The following ERMARD variants were observed in gnomAD, a reference collection of about 807,000 sequenced individuals.
ERMARD encodes the protein endoplasmic reticulum membrane-associated RNA degradation protein.
In ERMARD, 71 loss-of-function variants were observed where a neutral mutation model predicts 83.9. That is an observed-to-expected ratio of 0.85 (90% CI 0.70 to 1.03). The LOEUF is 1.03. Among genes scored for constraint, ERMARD ranks in the 50% least tolerant of loss-of-function variants. The pLI is 0.00. For missense variants in ERMARD, 838 were observed against 810.9 expected, an observed-to-expected ratio of 1.03 and a Z score of -0.41; for synonymous variants, 284 against 298.6, an observed-to-expected ratio of 0.95 and a Z score of 0.50.
intron 15 of ERMARD, 145 bp from the exon 16 acceptor site, chr6:169,776,310 C>T (rs756132195): frequency 1.8e-4 from 280 of 1,551,978 alleles, no homozygotes; most frequent in Non-Finnish European, 1.3e-4. Context: ...TAACACTTGC[C>T]GCGTGTCACG....
At position 169,760,766 on chromosome 6, in the gene ERMARD, G is replaced by A. The variant is rs753334584; in HGVS notation, c.857+10G>A. The A allele has an allele frequency of 3.1e-6, 5 of 1,589,174 alleles. No individual in the cohort carries two copies. Among genetic ancestry groups the A allele is most frequent in the Middle Eastern group, 1.7e-4 (1 of 6,028 alleles). On this transcript the variant is annotated intron_variant, in intron 8 of 17. Coordinates refer to ENST00000366773, the MANE Select transcript of ERMARD (RefSeq NM_018341.3). ...AGTTCAAGTCACACAGGTAACTAAA[G>A]GGTACATGGCAGAGTGGTTTGCAGT... is the stretch of plus-strand genomic sequence containing the variant.
chr6:169,776,308 G>A (rs913852873), intron 15 of ERMARD, 147 bp from the exon 16 acceptor site: 2 of 1,552,052 alleles, frequency 1.3e-6, no homozygotes, highest in Non-Finnish European at 8.7e-7. Flanking sequence ...GTTAACACTT[G>A]CCGCGTGTCA....
At position 169,781,519 on chromosome 6, in the gene ERMARD, TG is replaced by T. The variant is rs765774914; in HGVS notation, c.*7del. 6.3e-7 allele frequency: 1 copy of T among 1,580,660 alleles called. No homozygotes were observed. Among genetic ancestry groups the T allele is most frequent in the East Asian group, 2.3e-5 (1 of 44,338 alleles). ...CAAGTAAAGTACTCTTATGAAAACT[TG>T]TAAGTCAGGATGCTTTTAATTTTAA... On this transcript the variant is annotated 3_prime_UTR_variant, in exon 18 of 18. Transcript: ENST00000366773.
chr6:169,772,702 A>G (rs966550052), intron 12 of ERMARD, among the ~76,000 whole-genome samples: 4 of 150,100 alleles, frequency 2.7e-5, no homozygotes, highest in Non-Finnish European at 5.9e-5. Context: ...CCTGGGAGGC[A>G]GAGGTTGCAG....
In ERMARD at chr6:169,756,722, T is replaced by A; in HGVS notation, c.421T>A (p.Phe141Ile). The A allele has an allele frequency of 1.9e-6, 3 of 1,613,752 alleles. No individual in the cohort carries two copies. The highest frequency in any genetic ancestry group is 1.7e-6 in the Non-Finnish European group (2 of 1,179,862). The change falls in exon 5 of 18, where the codon TTT (phenylalanine) becomes ATT (isoleucine). Residue 141 changes from phenylalanine to isoleucine, a missense_variant. Phe to Ile is a conservative substitution (Grantham distance 21). Coordinates refer to ENST00000366773, the MANE Select transcript of ERMARD (RefSeq NM_018341.3). Reference sequence around the variant, plus strand: ...ACAATTTTTGTTTGAATTTTAGGTATTTTTACTGATTGGGAAGGAATGCCC... The same window carrying A: ...ACAATTTTTGTTTGAATTTTAGGTAATTTTACTGATTGGGAAGGAATGCCC... ...SCLERALGDV[F>I]LLIGKECPFL...
At chr6:169,774,112 G>C (rs1793299581) in intron 13 of ERMARD, among the ~76,000 whole-genome samples, 1 of 152,178 alleles carries the variant, frequency 6.6e-6, no homozygotes, top group African/African-American at 2.4e-5. Flanking sequence ...GAGGCGGGCG[G>C]ATCACAACGT....
At chr6:169,779,759 A>T (rs1356478298) in intron 17 of ERMARD, among the ~76,000 whole-genome samples, 1 of 152,224 alleles carries the variant, frequency 6.6e-6, no homozygotes, top group East Asian at 1.9e-4. Context: ...TGTAAAAGCC[A>T]CTGTGCCTGG....
At chr6:169,764,917 C>T (rs954638002) in intron 9 of ERMARD, among the ~76,000 whole-genome samples, 7 of 152,242 alleles carry the variant, frequency 4.6e-5, no homozygotes, top group African/African-American at 1.7e-4. Flanking sequence ...TGTTCTGTTT[C>T]TGTCTCATCT....
At chr6:169,760,865 C>G (rs555311983) in intron 8 of ERMARD, 109 bp downstream of exon 8, 168 of 708,442 alleles carry the variant, frequency 2.4e-4, no homozygotes, top group Non-Finnish European at 3.6e-4. Context: ...TGAAGAGAAC[C>G]TGGACTGACT....
intron 12 of ERMARD, chr6:169,770,888 A>G (rs981436532): frequency 1.3e-5 from 2 of 150,492 alleles, no homozygotes; most frequent in African/African-American, 2.4e-5. Flanking sequence ...TTTCAGTTTT[A>G]TTTTTCCCAT....
chr6:169,779,271 C>T lies in ERMARD; in HGVS notation c.1829C>T (p.Ala610Val), dbSNP rs201637565. The T allele has an allele frequency of 7.1e-5, 115 of 1,614,090 alleles. No homozygotes were observed. In the Middle Eastern group the frequency reaches 1.8e-3, roughly 25 times the overall value. Reference sequence around the variant, plus strand: ...ATTCATGCTGTTTGTGGGAAGAATGCGCATGAGTATCAGCAGTACCTAAAG... The same window carrying T: ...ATTCATGCTGTTTGTGGGAAGAATGTGCATGAGTATCAGCAGTACCTAAAG... ...VNIHAVCGKN[A>V]HEYQQYLKFV... Residue 610 changes from alanine to valine, a missense_variant, in exon 17 of 18, where the codon GCG becomes GTG. By Grantham distance (64) the Ala-to-Val change is moderately conservative. Transcript: ENST00000366773.
chr6:169,773,518 A>G (rs1404316064), intron 13 of ERMARD, 116 bp downstream of exon 13: 1 of 1,026,456 alleles, frequency 9.7e-7, no homozygotes, highest in Non-Finnish European at 1.5e-6. Context: ...AGTTGGGCAG[A>G]TCCAGCTTTT....
chr6:169,756,522 CTTGA>C, intron 4 of ERMARD, 83 bp downstream of exon 4: 1 of 1,118,410 alleles, frequency 8.9e-7, no homozygotes. Flanking sequence ...CCTCAGTTTT[CTTGA>C]TTATTTTCCT....
chr6:169,776,842 G>C (rs1053629381), intron 16 of ERMARD, among the ~76,000 whole-genome samples, 169 bp downstream of exon 16: 2 of 152,326 alleles, frequency 1.3e-5, no homozygotes, highest in African/African-American at 4.8e-5. Context: ...AAGTATCTGA[G>C]ACAGGTCTCA....
At chr6:169,752,724 C>A (rs1301045145) in intron 1 of ERMARD, among the ~76,000 whole-genome samples, 1 of 152,138 alleles carries the variant, frequency 6.6e-6, no homozygotes, top group African/African-American at 2.4e-5. Context: ...GCTTCGGTTC[C>A]GCTTTAGATC....
intron 5 of ERMARD, 47 bp from the exon 6 acceptor site, chr6:169,758,921 T>G (rs1016031712): frequency 2.0e-6 from 3 of 1,494,438 alleles, no homozygotes; most frequent in Non-Finnish European, 2.8e-6. Flanking sequence ...TATATTGGTT[T>G]ATTCAGTAAT....
chr6:169,753,835 A>G (rs1252424731), intron 1 of ERMARD, 29 bp from the exon 2 acceptor site: 4 of 1,474,862 alleles, frequency 2.7e-6, no homozygotes, highest in Non-Finnish European at 2.7e-6. Context: ...TCTGTTAAGC[A>G]GTGCCTTTTA....
At chr6:169,760,030 C>T in intron 7 of ERMARD, 56 bp downstream of exon 7, 1 of 1,606,740 alleles carries the variant, frequency 6.2e-7, no homozygotes, top group Non-Finnish European at 8.5e-7. Flanking sequence ...TTTGCAAAGT[C>T]AGTAAACAGC....
chr6:169,758,986 T>G lies in ERMARD; in HGVS notation c.526T>G (p.Phe176Val), dbSNP rs1363075657. Reference sequence around the variant, plus strand: ...GGATTAGATGAATGTGCTAAAAGTCTTCGTTGGCTCTCCGTGTGGTCTCAA... The same window carrying G: ...GGATTAGATGAATGTGCTAAAAGTCGTCGTTGGCTCTCCGTGTGGTCTCAA... The part of the protein sequence containing the change: ...SQSVMNVLKV[F>V]VGSPCGLNLR... Residue 176 changes from phenylalanine to valine, a missense_variant, in exon 6 of 18, where the codon TTC (phenylalanine) becomes GTC (valine). Physicochemically the swap from Phe to Val is conservative, Grantham distance 50 (BLOSUM62 -1). Transcript: ENST00000366773. The G allele has an allele frequency of 6.2e-7, 1 of 1,613,980 alleles. No homozygotes were observed. The highest frequency in any genetic ancestry group is 8.5e-7 in the Non-Finnish European group (1 of 1,179,958).
Sources: allele counts gnomAD v4.1 joint callset (sites outside exome capture counted in the v4.1 genomes callset), GRCh38; gene constraint gnomAD v4.1.1; transcripts MANE v1.5; gene names NCBI Gene and HGNC (gene_info 2026-07-23, HGNC 2026-07-21).